Variants in RBBP8NL observed in about 807,000 individuals in gnomAD.
RBBP8NL encodes RBBP8 N-terminal like.
Under a neutral mutation model 62.2 loss-of-function variants are expected in RBBP8NL, and 59 were observed. That is an observed-to-expected ratio of 0.95 (90% CI 0.77 to 1.18). RBBP8NL has a LOEUF of 1.18. Ranked by LOEUF, RBBP8NL falls within the 50% of genes most tolerant of loss-of-function variation. The pLI is 0.00. For missense variants in RBBP8NL, 896 were observed against 899.5 expected, an observed-to-expected ratio of 1.00 and a Z score of 0.05; for synonymous variants, 412 against 394.1, an observed-to-expected ratio of 1.05 and a Z score of -0.54.
At position 62,413,550 on chromosome 20, in the gene RBBP8NL, G is replaced by A; in HGVS notation, c.1531-5C>T. 1 of 1,520,050 alleles carries A rather than the reference G, an allele frequency of 6.6e-7. No individual in the cohort carries two copies. Among genetic ancestry groups the A allele is most frequent in the Non-Finnish European group, 8.8e-7 (1 of 1,139,472 alleles). 94.2% of individuals were successfully genotyped at this position (1,520,050 alleles called of 1,614,324 possible). On this transcript the variant is annotated splice_region_variant and splice_polypyrimidine_tract_variant and intron_variant, in intron 10 of 13. Transcript: ENST00000252998. ...TGGAAGTGGGCGTGAGGGGTCCTGG[G>A]GGGAGGCAAGTAGGTGGCTTGAGTT... is the stretch of plus-strand genomic sequence containing the variant.
Position 62,414,555 on chromosome 20 carries a change from A to T in RBBP8NL, c.796T>A (p.Phe266Ile), listed in dbSNP as rs1407941486. 7.0e-7 allele frequency: 1 copy of T among 1,423,500 alleles called. No individual in the cohort carries two copies. Among genetic ancestry groups the T allele is most frequent in the African/African-American group, 1.4e-5 (1 of 69,388 alleles). 88.2% of individuals were successfully genotyped at this position (1,423,500 alleles called of 1,614,324 possible). A position where few individuals can be genotyped will look rare whatever the true frequency, so the allele number is the denominator to read the frequency against. Residue 266 changes from phenylalanine (F) to isoleucine (I), a missense_variant and splice_region_variant, in exon 10 of 14, where the codon TTC becomes ATC. Transcript: ENST00000252998. ...GCGGAGGGCCGGGAGGCCCGCAGGA[A>T]GCTGTGAGGGAGGAGAAGCCGAATG... ...AYERGLSLDS[F>I]LRASRPSAMT... is the part of the protein sequence containing the mutation.
At chr20:62,417,779 G>C (rs1282711941) in intron 3 of RBBP8NL, among the ~76,000 whole-genome samples, 1 of 84,590 alleles carries the variant, frequency 1.2e-5, no homozygotes, top group East Asian at 3.6e-4. Flanking sequence ...CACCCCCCCG[G>C]TCATCTGCAC....
chr20:62,413,365 T>A (rs1392402398), intron 11 of RBBP8NL, 36 bp downstream of exon 11: 2 of 1,385,732 alleles, frequency 1.4e-6, no homozygotes, highest in Non-Finnish European at 1.9e-6. Flanking sequence ...GGAAAACACC[T>A]CCCAGCTGGA....
chr20:62,410,959 T>C lies in RBBP8NL; in HGVS notation c.1914A>G (p.Thr638=), dbSNP rs1224803905. Reference sequence around the variant, plus strand: ...TTGGGCTCCCGGGCCCCTCAGTGGCTGTCAGTTTCCTTCTCCCTCTGGATG... The same window carrying C: ...TTGGGCTCCCGGGCCCCTCAGTGGCCGTCAGTTTCCTTCTCCCTCTGGATG... ...KKPSRGRRKL[T]ATEGPGSPRD... Residue 638 remains threonine, a synonymous_variant, in exon 14 of 14, where the codon ACA becomes ACG. Coordinates refer to ENST00000252998, the MANE Select transcript of RBBP8NL (RefSeq NM_080833.3). 6 of 1,613,758 alleles carry C rather than the reference T, an allele frequency of 3.7e-6. No homozygotes were observed. The African/African-American group carries it at 6.7e-5, about 18-fold the overall frequency.
chr20:62,424,531 T>C (rs1331677253), intron 1 of RBBP8NL, among the ~76,000 whole-genome samples: 1 of 152,110 alleles, frequency 6.6e-6, no homozygotes, highest in African/African-American at 2.4e-5. Context: ...GACTGCTCCT[T>C]AAAACCAAGG....
Position 62,414,263 on chromosome 20 carries a change from T to A in RBBP8NL, c.1088A>T (p.Gln363Leu). The A allele has an allele frequency of 6.3e-7, 1 of 1,589,322 alleles. No individual in the cohort carries two copies. The stretch of plus-strand genomic sequence containing the variant: ...GCCTGCCCTGGCCCTAGCCCGCAGC[T>A]GCTGCTGGGCCAGGAGCAGGTGCAG... ...GALHLLLAQQ[Q>L]LRARARAGSV... The change falls in exon 10 of 14, where the codon CAG becomes CTG. Residue 363 changes from glutamine (Q) to leucine (L), a missense_variant. Coordinates refer to ENST00000252998, the MANE Select transcript of RBBP8NL (RefSeq NM_080833.3).
rs930991032 is a variant in RBBP8NL, at chr20:62,414,517, C to T, written c.834G>A (p.Glu278=). The T allele has an allele frequency of 6.9e-7, 1 of 1,443,718 alleles. No homozygotes were observed. The highest frequency in any genetic ancestry group is 1.8e-4 in the Middle Eastern group (1 of 5,428). The allele number at this position is 1,443,718 out of a possible 1,614,324, so 89.4% of individuals were successfully genotyped here. The part of the protein sequence containing the change: ...RASRPSAMTH[E]APKLSPKVDR... ...CCACCTTCGGGGAGAGCTTCGGGGC[C>T]TCATGGGTCATGGCGGAGGGCCGGG... Residue 278 remains glutamate (E), a synonymous_variant, in exon 10 of 14, where the codon GAG becomes GAA. Transcript: ENST00000252998.
intron 13 of RBBP8NL, among the ~76,000 whole-genome samples, chr20:62,411,925 C>T (rs1055323152): frequency 3.9e-5 from 6 of 152,264 alleles, no homozygotes; most frequent in South Asian, 2.1e-4. Context: ...CTGCTGCCTG[C>T]GGGCCTTGCC....
chr20:62,412,538 G>T, intron 13 of RBBP8NL, 86 bp downstream of exon 13: 1 of 1,513,666 alleles, frequency 6.6e-7, no homozygotes, highest in Non-Finnish European at 8.9e-7. Context: ...TCTCCAGGCA[G>T]CCAGGAGGAG....
At chr20:62,426,754 TTG>T (rs1482381191) in intron 1 of RBBP8NL, among the ~76,000 whole-genome samples, 1 of 152,118 alleles carries the variant, frequency 6.6e-6, no homozygotes, top group African/African-American at 2.4e-5. Flanking sequence ...CACACGCATG[TTG>T]TGTGTGCACA....
Position 62,412,906 on chromosome 20 carries a change from G to A in RBBP8NL, c.1676-6C>T. 6.2e-7 allele frequency: 1 copy of A among 1,613,000 alleles called. No individual in the cohort carries two copies. ...CACTTCAGCCTTGCTGGGCTCTGAAGGATGCAGAGTGTGGGGTCAGGCCAG... is the reference window on the plus strand; with the variant it reads ...CACTTCAGCCTTGCTGGGCTCTGAAAGATGCAGAGTGTGGGGTCAGGCCAG... On this transcript the variant is annotated splice_polypyrimidine_tract_variant and splice_region_variant and intron_variant, in intron 11 of 13. Transcript: ENST00000252998.
chr20:62,415,044 G>C, intron 9 of RBBP8NL, 77 bp downstream of exon 9: 1 of 1,357,442 alleles, frequency 7.4e-7, no homozygotes, highest in East Asian at 2.7e-5. Flanking sequence ...GATAATCAGA[G>C]GGACTGCCCT....
In RBBP8NL at chr20:62,414,350, G is replaced by A; in HGVS notation, c.1001C>T (p.Thr334Ile). The change falls in exon 10 of 14, where the codon ACA (threonine) becomes ATA (isoleucine). Residue 334 changes from threonine (T) to isoleucine (I), a missense_variant. Transcript: ENST00000252998. ...GGCACTGGGCAGCCCCAGCAGTTCT[G>A]TGGGCTCCTCCCAGGCCTCTGCTTC... ...AREAEAWEEP[T>I]ELLGLPSALA... 4 of 1,555,388 alleles carry A rather than the reference G, an allele frequency of 2.6e-6. No individual in the cohort carries two copies. The highest frequency in any genetic ancestry group is 1.8e-4 in the Middle Eastern group (1 of 5,468).
At chr20:62,417,078 C>T in intron 4 of RBBP8NL, 146 bp downstream of exon 4, 2 of 714,650 alleles carry the variant, frequency 2.8e-6, no homozygotes, top group South Asian at 1.9e-5. Context: ...TTCCTTAAGG[C>T]TCTGAGATGT....
At chr20:62,415,387 G>A in intron 8 of RBBP8NL, 100 bp from the exon 9 acceptor site, 6 of 1,433,178 alleles carry the variant, frequency 4.2e-6, no homozygotes, top group Non-Finnish European at 5.6e-6. Context: ...CTCCCACTCT[G>A]CCCCTGCTCA....
At chr20:62,419,535 T>C in intron 2 of RBBP8NL, 52 bp downstream of exon 2, 1 of 1,576,198 alleles carries the variant, frequency 6.3e-7, no homozygotes, top group Non-Finnish European at 8.7e-7. Context: ...GACCCTTAGG[T>C]GAGGGCTGTG....
chr20:62,421,420 T>C (rs918388845), intron 1 of RBBP8NL, among the ~76,000 whole-genome samples: 20 of 99,028 alleles, frequency 2.0e-4, no homozygotes, highest in African/African-American at 9.0e-4. Flanking sequence ...TGCGTGTGTG[T>C]GCCGTGTATG....
chr20:62,419,354 G>C (rs1424492073), intron 2 of RBBP8NL, among the ~76,000 whole-genome samples: 1 of 152,192 alleles, frequency 6.6e-6, no homozygotes, highest in African/African-American at 2.4e-5. Context: ...CTCTGGGAGT[G>C]GCTCGAGGAC....
rs201515028 is a variant in RBBP8NL, at chr20:62,415,745, T to C, written c.544+43A>G. The C allele has an allele frequency of 5.1e-5, 82 of 1,609,600 alleles. No homozygotes were observed. In the East Asian group the frequency reaches 1.8e-3, roughly 35 times the overall value. On this transcript the variant is annotated intron_variant, in intron 7 of 13. Transcript: ENST00000252998. ...GCCCCAGGGGGAGGATCCCTGGTCC[T>C]GCGGGGGCCCAGCCTCCCAGCCTCA...
Sources: gnomAD v4.1 joint callset for allele counts (sites outside exome capture counted in the v4.1 genomes callset) on GRCh38, gnomAD v4.1.1 for gene constraint, MANE v1.5 for transcripts, NCBI Gene and HGNC (gene_info 2026-07-23, HGNC 2026-07-21) for gene names.